ATXN1: variants seen among roughly 807,000 people sequenced by gnomAD.
ATXN1 encodes ataxin-1.
Under a neutral mutation model 56.4 loss-of-function variants are expected in ATXN1, and 8 were observed. The ratio of observed to expected loss-of-function variants is 0.14; its 90% CI spans 0.08 to 0.26. The LOEUF (loss-of-function observed/expected upper bound fraction) is 0.26, where lower values mean the gene tolerates loss of function less well. Among genes scored for constraint, ATXN1 ranks in the 10% least tolerant of loss-of-function variants. The pLI, the probability that ATXN1 is intolerant of heterozygous loss-of-function variation, is 1.00. For missense variants in ATXN1, 987 were observed against 1,106.5 expected (o/e 0.89, Z 1.53); for synonymous variants, 514 against 494.6 (o/e 1.04, Z -0.52).
chr6:16,508,640 T>TA (rs1207242171), intron 5 of ATXN1, among the ~76,000 whole-genome samples: 3 of 152,174 alleles, frequency 2.0e-5, no homozygotes, highest in Non-Finnish European at 4.4e-5. Context: ...GGTGAGGACA[T>TA]AGAGAAACTG....
At chr6:16,528,575 A>G (rs1029579730) in intron 4 of ATXN1, among the ~76,000 whole-genome samples, 1 of 152,210 alleles carries the variant, frequency 6.6e-6, no homozygotes, top group East Asian at 1.9e-4. Context: ...TTGTCGTTGT[A>G]TTGTATCATC....
chr6:16,328,474 G>T lies in ATXN1; in HGVS notation c.-160-4C>A. 8.1e-7 allele frequency: 1 copy of T among 1,234,472 alleles called. No homozygotes were observed. The allele number at this position is 1,234,472 out of a possible 1,614,324, so 76.5% of individuals were successfully genotyped here. On this transcript the variant is annotated splice_polypyrimidine_tract_variant and splice_region_variant and intron_variant, in intron 6 of 7. Coordinates refer to ENST00000436367, the MANE Select transcript of ATXN1 (RefSeq NM_001128164.2). This position sits in a 1 kb window ranked among gnomAD's most constrained non-coding sequence, Gnocchi z 6.2. Reference sequence around the variant, plus strand: ...CCGCCAACAGCAGCTCTGGATGCTGGGAAAGGGAAGAGGGCAGTGACAAAG... The same window carrying T: ...CCGCCAACAGCAGCTCTGGATGCTGTGAAAGGGAAGAGGGCAGTGACAAAG...
At chr6:16,715,701 G>A (rs1210321096) in intron 2 of ATXN1, among the ~76,000 whole-genome samples, 2 of 152,124 alleles carry the variant, frequency 1.3e-5, no homozygotes, top group African/African-American at 4.8e-5. Context: ...TGAATGTGCA[G>A]GTCCTCTTTT....
At chr6:16,380,258 C>T (rs1451782084) in intron 6 of ATXN1, among the ~76,000 whole-genome samples, 2 of 152,180 alleles carry the variant, frequency 1.3e-5, no homozygotes, top group Non-Finnish European at 2.9e-5. Context: ...AGAGACTCTC[C>T]TAGTCATCTG....
chr6:16,680,820 A>C (rs1377425480), intron 2 of ATXN1, among the ~76,000 whole-genome samples: 1 of 152,244 alleles, frequency 6.6e-6, no homozygotes, highest in East Asian at 1.9e-4. Flanking sequence ...CTTTAGGACT[A>C]AACAGCTGTG....
At chr6:16,479,475 T>C (rs1343059681) in intron 6 of ATXN1, among the ~76,000 whole-genome samples, 1 of 152,236 alleles carries the variant, frequency 6.6e-6, no homozygotes, top group African/African-American at 2.4e-5. Flanking sequence ...GTTGGAGACA[T>C]GGTTAATATT....
intron 4 of ATXN1, among the ~76,000 whole-genome samples, chr6:16,549,993 A>G (rs907052566): frequency 2.1e-4 from 31 of 149,192 alleles, no homozygotes; most frequent in Middle Eastern, 3.5e-3. Flanking sequence ...GGGGAACAAC[A>G]CACACCGGGG....
intron 2 of ATXN1, among the ~76,000 whole-genome samples, chr6:16,731,733 T>C (rs1311305547): frequency 6.6e-6 from 1 of 152,058 alleles, no homozygotes; most frequent in African/African-American, 2.4e-5. Context: ...TTTATCTAAT[T>C]GTATTGCCGT....
At chr6:16,696,088 C>A (rs1292394788) in intron 2 of ATXN1, among the ~76,000 whole-genome samples, 1 of 152,176 alleles carries the variant, frequency 6.6e-6, no homozygotes, top group Non-Finnish European at 1.5e-5. Context: ...TAACCCTGGA[C>A]AGCTCTCCTG....
At chr6:16,390,433 T>C (rs559881805) in intron 6 of ATXN1, among the ~76,000 whole-genome samples, 5 of 151,838 alleles carry the variant, frequency 3.3e-5, no homozygotes, top group South Asian at 2.1e-4. Flanking sequence ...GATGCCTGAG[T>C]TCATACTATT....
intron 2 of ATXN1, among the ~76,000 whole-genome samples, chr6:16,745,946 GTGTGT>G (rs1362923440): frequency 2.0e-5 from 3 of 150,452 alleles, no homozygotes; most frequent in Non-Finnish European, 4.4e-5. Context: ...GTGTGTGTGT[GTGTGT>G]GTGTGTGTGT....
At chr6:16,723,566 T>C (rs547951385) in intron 2 of ATXN1, among the ~76,000 whole-genome samples, 1 of 152,328 alleles carries the variant, frequency 6.6e-6, no homozygotes, top group Non-Finnish European at 1.5e-5. Flanking sequence ...TTTCCCCTCG[T>C]AGGCTAAATT....
At chr6:16,429,424 C>G (rs1242812927) in intron 6 of ATXN1, among the ~76,000 whole-genome samples, 3 of 95,406 alleles carry the variant, frequency 3.1e-5, no homozygotes, top group East Asian at 3.0e-4. Context: ...ATTTTTTGTT[C>G]GTTTTTTTTT....
intron 6 of ATXN1, among the ~76,000 whole-genome samples, chr6:16,459,896 GTACAAGGC>G (rs1460037853): frequency 6.6e-6 from 1 of 152,126 alleles, no homozygotes; most frequent in Non-Finnish European, 1.5e-5. Flanking sequence ...CTAATCAAGG[GTACAAGGC>G]ATCTAAATCG....
intron 6 of ATXN1, among the ~76,000 whole-genome samples, chr6:16,442,040 A>G (rs1759527433): frequency 6.6e-6 from 1 of 152,154 alleles, no homozygotes; most frequent in Non-Finnish European, 1.5e-5. Context: ...ACCTGGAAAA[A>G]CTGACCTAGG....
chr6:16,725,204 G>T (rs887766306), intron 2 of ATXN1, among the ~76,000 whole-genome samples: 1 of 152,194 alleles, frequency 6.6e-6, no homozygotes, highest in South Asian at 2.1e-4. Context: ...TGTAATGTTG[G>T]ACACTGGACT....
At chr6:16,661,378 T>G (rs1758317151) in intron 2 of ATXN1, among the ~76,000 whole-genome samples, 1 of 152,112 alleles carries the variant, frequency 6.6e-6, no homozygotes. Flanking sequence ...GATACCGACT[T>G]TTAAGTAAAA....
intron 6 of ATXN1, among the ~76,000 whole-genome samples, chr6:16,430,345 AAAAG>A (rs1759253754): frequency 6.6e-6 from 1 of 152,156 alleles, no homozygotes; most frequent in Non-Finnish European, 1.5e-5. Context: ...GAAAAAAAAA[AAAAG>A]AAAGGGAAAG....
rs1349125536 is a variant in ATXN1 at position 16,301,791 on chromosome 6, G to C, written c.*4538C>G. 6.6e-6 allele frequency: 1 copy of C among 152,618 alleles called. No homozygotes were observed. The highest frequency in any genetic ancestry group is 2.4e-5 in the African/African-American group (1 of 41,428). 9.5% of individuals were successfully genotyped at this position (152,618 alleles called of 1,614,324 possible). A position where few individuals can be genotyped will look rare whatever the true frequency, so the allele number is the denominator to read the frequency against. On this transcript the variant is annotated 3_prime_UTR_variant, in exon 8 of 8. Transcript: ENST00000436367. ...ACAACCAACACAGCTCAAGAAGCCCGGCCTTCGGTACCGAGAGCTCTGCTT... is the reference window on the plus strand; with the variant it reads ...ACAACCAACACAGCTCAAGAAGCCCCGCCTTCGGTACCGAGAGCTCTGCTT...
Sources: gnomAD v4.1 joint callset for allele counts (sites outside exome capture counted in the v4.1 genomes callset) on GRCh38, gnomAD v4.1.1 for gene constraint, Gnocchi (gnomAD v3.1) non-coding constraint, MANE v1.5 for transcripts, NCBI Gene and HGNC (gene_info 2026-07-23, HGNC 2026-07-21) for gene names.